Variants in MYO5A observed in about 807,000 individuals in gnomAD.
MYO5A encodes the protein unconventional myosin-Va.
A neutral mutation model predicts 249.7 loss-of-function variants in MYO5A; 98 were observed. The ratio of observed to expected loss-of-function variants is 0.39; its 90% confidence interval spans 0.33 to 0.46. The LOEUF is 0.46. MYO5A is among the 20% of genes least tolerant of loss of function. The pLI, the probability that MYO5A is intolerant of heterozygous loss-of-function variation, is 0.98. For missense variants in MYO5A, 1,696 were observed against 2,308.8 expected (o/e 0.73, Z 5.44); for synonymous variants, 778 against 810.6 (o/e 0.96, Z 0.68).
chr15:52,324,538 G>T (rs1335292337), intron 36 of MYO5A, among the ~76,000 whole-genome samples: 2 of 152,222 alleles, frequency 1.3e-5, no homozygotes, highest in Non-Finnish European at 2.9e-5. Flanking sequence ...ACCTAGGACA[G>T]ATGCCTAGCA....
chr15:52,465,077 G>C (rs181841867), intron 1 of MYO5A, among the ~76,000 whole-genome samples: 1 of 152,316 alleles, frequency 6.6e-6, no homozygotes, highest in African/African-American at 2.4e-5. Flanking sequence ...AGCACTAGAA[G>C]GGAGATTCTT....
chr15:52,348,460 G>A (rs770165372), intron 29 of MYO5A, among the ~76,000 whole-genome samples: 8 of 152,116 alleles, frequency 5.3e-5, no homozygotes, highest in African/African-American at 1.7e-4. Flanking sequence ...CAACAAGCCC[G>A]CCACTGGTAG....
intron 16 of MYO5A, among the ~76,000 whole-genome samples, chr15:52,381,763 GTCTCTC>G (rs1166176936): frequency 6.7e-6 from 1 of 150,342 alleles, no homozygotes; most frequent in Non-Finnish European, 1.5e-5. Flanking sequence ...CTCCTTTTGT[GTCTCTC>G]TCTCTCTCTC....
chr15:52,471,800 G>A (rs567600021), intron 1 of MYO5A, among the ~76,000 whole-genome samples: 224 of 152,084 alleles, frequency 1.5e-3, no homozygotes, highest in African/African-American at 5.2e-3. Context: ...CCAGACTCAA[G>A]TGATCATCCC....
intron 22 of MYO5A, among the ~76,000 whole-genome samples, chr15:52,367,870 A>AACACACAC (rs3985806): frequency 0.025 from 3,483 of 141,822 alleles, 97 homozygotes; most frequent in African/African-American, 0.068. Context: ...TATATTTTAA[A>AACACACAC]ACACACACAC....
rs777079963 is a variant in MYO5A, at chr15:52,370,212, C to T, written c.3023G>A (p.Cys1008Tyr). ...GTATCGATCTGCATGTTCCTCAATG[C>T]ATTTTTTCTCTGAACGAGTTTGCTC... ...DLEQTRSEKK[C>Y]IEEHADRYKQ... The change falls in exon 22 of 42, where the codon TGC becomes TAC. Residue 1008 changes from cysteine to tyrosine, a missense_variant. Physicochemically the swap from Cys to Tyr is radical, Grantham distance 194 (BLOSUM62 -2). Transcript: ENST00000399233. The T allele has an allele frequency of 6.2e-7, 1 of 1,614,146 alleles. No homozygotes were observed. Among genetic ancestry groups the T allele is most frequent in the Non-Finnish European group, 8.5e-7 (1 of 1,179,996 alleles).
intron 16 of MYO5A, among the ~76,000 whole-genome samples, chr15:52,381,736 A>G (rs1240213274): frequency 6.6e-6 from 1 of 151,326 alleles, no homozygotes; most frequent in Non-Finnish European, 1.5e-5. Context: ...CTAAACAGCA[A>G]TCATAGCACA....
intron 34 of MYO5A, chr15:52,331,615 T>A (rs2038891216): frequency 1.0e-6 from 1 of 954,254 alleles, no homozygotes; most frequent in Admixed American, 6.2e-5. Flanking sequence ...CAGTAGTGCT[T>A]CTTGTGTCAC....
intron 36 of MYO5A, among the ~76,000 whole-genome samples, chr15:52,324,233 GAGA>G (rs1318497269): frequency 2.0e-5 from 3 of 152,130 alleles, no homozygotes; most frequent in African/African-American, 7.2e-5. Flanking sequence ...ATCCAGAAAT[GAGA>G]AGAAGGAAGT....
intron 29 of MYO5A, 34 bp from the exon 30 acceptor site, chr15:52,346,495 T>C (rs775475338): frequency 1.5e-6 from 2 of 1,343,434 alleles, no homozygotes; most frequent in Admixed American, 1.8e-5. Flanking sequence ...CGCATTAAGA[T>C]TCAACTCAAA....
At chr15:52,378,177 T>C (rs2041525766) in intron 18 of MYO5A, among the ~76,000 whole-genome samples, 1 of 150,088 alleles carries the variant, frequency 6.7e-6, no homozygotes, top group African/African-American at 2.5e-5. Context: ...GGACCAGGAA[T>C]AGGCCTGTTC....
intron 40 of MYO5A, 77 bp downstream of exon 40, chr15:52,316,971 T>C: frequency 6.9e-7 from 1 of 1,448,712 alleles, no homozygotes; most frequent in Non-Finnish European, 9.7e-7. Context: ...AAGCAATAAG[T>C]AGAGGACTTC....
intron 22 of MYO5A, among the ~76,000 whole-genome samples, chr15:52,367,930 T>C (rs77353279): frequency 0.036 from 5,469 of 150,560 alleles, 334 homozygotes; most frequent in African/African-American, 0.13. Flanking sequence ...GACTCTTAAC[T>C]TTCTAGTTCT....
intron 4 of MYO5A, among the ~76,000 whole-genome samples, chr15:52,424,075 T>C (rs1285922329): frequency 6.6e-6 from 1 of 152,218 alleles, no homozygotes; most frequent in Non-Finnish European, 1.5e-5. Flanking sequence ...CTAAGTGGTG[T>C]CGAAACTGTA....
intron 7 of MYO5A, among the ~76,000 whole-genome samples, chr15:52,407,640 C>T (rs1158950097): frequency 6.6e-6 from 1 of 151,560 alleles, no homozygotes; most frequent in African/African-American, 2.4e-5. Context: ...ATAGTCCTTT[C>T]CTAAAGGTTT....
At chr15:52,441,675 C>G (rs2075788732) in intron 1 of MYO5A, among the ~76,000 whole-genome samples, 2 of 152,222 alleles carry the variant, frequency 1.3e-5, no homozygotes, top group South Asian at 4.1e-4. Context: ...GCCACCTCCT[C>G]TAACAGGCTT....
chr15:52,431,415 T>C (rs1365783504), intron 2 of MYO5A, among the ~76,000 whole-genome samples: 1 of 151,692 alleles, frequency 6.6e-6, no homozygotes, highest in African/African-American at 2.4e-5. Flanking sequence ...TACATACATA[T>C]GTAAACATAG....
chr15:52,307,919 T>C lies in MYO5A; in HGVS notation c.*5777A>G, dbSNP rs954185375. The C allele has an allele frequency of 6.6e-6, 1 of 152,142 alleles. No individual in the cohort carries two copies. Among genetic ancestry groups the C allele is most frequent in the Non-Finnish European group, 1.5e-5 (1 of 68,000 alleles). 9.4% of individuals were successfully genotyped at this position (152,142 alleles called of 1,614,324 possible). ...CAGGAATCATAAATTACAACATATA[T>C]ATCCACATTTAAAGAAAAAATTCAC... On this transcript the variant is annotated 3_prime_UTR_variant, in exon 42 of 42. Coordinates refer to ENST00000399233, the MANE Select transcript of MYO5A (RefSeq NM_001382347.1).
At chr15:52,514,013 A>G (rs551138146) in intron 1 of MYO5A, among the ~76,000 whole-genome samples, 54 of 152,364 alleles carry the variant, frequency 3.5e-4, no homozygotes, top group African/African-American at 1.2e-3. Flanking sequence ...CCAGGTGCCA[A>G]AGGGAGGGAG....
Sources: gnomAD v4.1 joint callset for allele counts (sites outside exome capture counted in the v4.1 genomes callset) on GRCh38, gnomAD v4.1.1 for gene constraint, MANE v1.5 for transcripts, NCBI Gene and HGNC (gene_info 2026-07-23, HGNC 2026-07-21) for gene names.